PPME1: variants seen among roughly 807,000 people sequenced by gnomAD.
The protein encoded by PPME1 is protein phosphatase methylesterase 1, also known as testicular secretory protein Li 39.
Under a neutral mutation model 56.9 loss-of-function variants are expected in PPME1, and 17 were observed. The ratio of observed to expected loss-of-function variants is 0.30; its 90% CI spans 0.20 to 0.45. PPME1 has a LOEUF of 0.45. PPME1 is among the 20% of genes least tolerant of loss of function. PPME1 has a pLI of 1.00. For missense variants in PPME1, 357 were observed against 483.2 expected (o/e 0.74, Z 2.45); for synonymous variants, 122 against 156.2 (o/e 0.78, Z 1.63).
chr11:74,235,743 C>A, intron 7 of PPME1, 158 bp from the exon 8 acceptor site: 1 of 1,152,714 alleles, frequency 8.7e-7, no homozygotes, highest in Non-Finnish European at 1.2e-6. Flanking sequence ...AACCATGTAG[C>A]CAGGTGAGTA....
Position 74,218,469 on chromosome 11 carries a change from C to T in PPME1, c.289-3843C>T, listed in dbSNP as rs2135643610. Among the ~76,000 whole-genome samples the T allele has an allele frequency of 2.0e-5, 3 of 152,198 alleles. No individual in the cohort carries two copies. In the Middle Eastern group the frequency reaches 0.01, roughly 518 times the overall value. On this transcript the variant is annotated intron_variant, in intron 3 of 13. Coordinates refer to ENST00000328257, the MANE Select transcript of PPME1 (RefSeq NM_016147.3). Reference sequence around the variant, plus strand: ...GCTATCCTGATAGAAAAGAACAAAACTGGAGGAATAACATTACCTGACTTC... The same window carrying T: ...GCTATCCTGATAGAAAAGAACAAAATTGGAGGAATAACATTACCTGACTTC...
intron 1 of PPME1, among the ~76,000 whole-genome samples, chr11:74,202,286 C>A (rs1858190819): frequency 6.6e-6 from 1 of 152,104 alleles, no homozygotes; most frequent in African/African-American, 2.4e-5. Context: ...TAACACAGAC[C>A]ACTTAAATAT....
intron 1 of PPME1, among the ~76,000 whole-genome samples, chr11:74,187,499 A>G (rs1030304465): frequency 1.3e-5 from 2 of 152,150 alleles, no homozygotes; most frequent in African/African-American, 4.8e-5. Flanking sequence ...TATCAGTGGT[A>G]TTGTAAATAG....
At chr11:74,202,890 A>G (rs991879454) in intron 1 of PPME1, among the ~76,000 whole-genome samples, 1 of 152,178 alleles carries the variant, frequency 6.6e-6, no homozygotes, top group African/African-American at 2.4e-5. Flanking sequence ...GAAAACATAC[A>G]TAAACACTTA....
rs554147380 is a variant in PPME1, at chr11:74,235,633, T to TA, written c.645-267dup. On this transcript the variant is annotated intron_variant, in intron 7 of 13. Transcript: ENST00000328257. ...ATGTGTCTTTTTCTCCCTACCGAAT[T>TA]ATGTGCTTTTTGAATACAGGCCTGG... 1,884 of 400,270 alleles carry TA rather than the reference T, an allele frequency of 4.7e-3. 29 individuals are homozygous for TA. The highest frequency in any genetic ancestry group is 0.028 in the Middle Eastern group (37 of 1,326). The allele number at this position is 400,270 out of a possible 1,614,324, so 24.8% of individuals were successfully genotyped here.
intron 1 of PPME1, among the ~76,000 whole-genome samples, chr11:74,182,994 CAAAAAA>C (rs34350281): frequency 7.7e-6 from 1 of 129,548 alleles, no homozygotes; most frequent in Non-Finnish European, 1.6e-5. Flanking sequence ...TTGTCTCTAC[CAAAAAA>C]AAAAAAAAAA....
At position 74,200,211 on chromosome 11, in the gene PPME1, A is replaced by C. The variant is rs79782562; in HGVS notation, c.102-3517A>C. Among the ~76,000 whole-genome samples the C allele has an allele frequency of 9.0e-4, 137 of 152,374 alleles. 2 individuals are homozygous for C. In the East Asian group the frequency reaches 0.022, roughly 24 times the overall value. Reference sequence around the variant, plus strand: ...GAAACTAAAGCTATTTTTTAAAATCAATCTAAACTATATCCCTAAAATTCA... The same window carrying C: ...GAAACTAAAGCTATTTTTTAAAATCCATCTAAACTATATCCCTAAAATTCA... On this transcript the variant is annotated intron_variant, in intron 1 of 13. Coordinates refer to ENST00000328257, the MANE Select transcript of PPME1 (RefSeq NM_016147.3).
chr11:74,181,966 C>T (rs1357934597), intron 1 of PPME1, among the ~76,000 whole-genome samples: 1 of 152,242 alleles, frequency 6.6e-6, no homozygotes, highest in Non-Finnish European at 1.5e-5. Flanking sequence ...ATTAGTCTCT[C>T]TTCTCCCCCT....
At chr11:74,241,891 C>T (rs1193355655) in intron 9 of PPME1, among the ~76,000 whole-genome samples, 1 of 152,082 alleles carries the variant, frequency 6.6e-6, no homozygotes, top group Non-Finnish European at 1.5e-5. Flanking sequence ...GATACAGATC[C>T]CTAATTTGCA....
intron 5 of PPME1, 28 bp downstream of exon 5, chr11:74,225,284 T>C: frequency 6.9e-7 from 1 of 1,454,702 alleles, no homozygotes; most frequent in Non-Finnish European, 9.4e-7. Context: ...TCTTATACAT[T>C]GCCTGTCTCC....
intron 5 of PPME1, among the ~76,000 whole-genome samples, chr11:74,226,562 G>T (rs977876737): frequency 3.3e-5 from 5 of 152,126 alleles, no homozygotes; most frequent in African/African-American, 1.2e-4. Context: ...CCTATAGGAA[G>T]ATTTGTGAAT....
intron 3 of PPME1, among the ~76,000 whole-genome samples, chr11:74,214,718 G>A (rs1858581096): frequency 6.6e-6 from 1 of 150,918 alleles, no homozygotes; most frequent in African/African-American, 2.4e-5. Context: ...TGCTAAAATA[G>A]TATATCCAGT....
In PPME1 at chr11:74,230,133, C is replaced by G; in HGVS notation, c.399-112C>G. 1 of 1,214,180 alleles carries G rather than the reference C, an allele frequency of 8.2e-7. No individual in the cohort carries two copies. The highest frequency in any genetic ancestry group is 2.4e-4 in the Middle Eastern group (1 of 4,226). The allele number at this position is 1,214,180 out of a possible 1,614,324, so 75.2% of individuals were successfully genotyped here. ...TATGTTTGTAAGATGGCCCAATAGA[C>G]TTTTACAGTTTCCCAGCACTGTTAC... On this transcript the variant is annotated intron_variant, in intron 5 of 13. Coordinates refer to ENST00000328257, the MANE Select transcript of PPME1 (RefSeq NM_016147.3). The surrounding 1 kb of genome is among the most constrained non-coding windows in gnomAD (Gnocchi z 4.9).
chr11:74,211,334 T>C (rs1466623292), intron 3 of PPME1, among the ~76,000 whole-genome samples: 3 of 151,904 alleles, frequency 2.0e-5, no homozygotes, highest in Non-Finnish European at 2.9e-5. Context: ...ACCAAGATAA[T>C]TTTGAAAAAG....
At chr11:74,251,480 C>G in intron 12 of PPME1, 168 bp from the exon 13 acceptor site, 1 of 1,438,382 alleles carries the variant, frequency 7.0e-7, no homozygotes, top group Non-Finnish European at 9.1e-7. Context: ...GGGGAGGAGT[C>G]TTCTAGCTCT....
Position 74,253,563 on chromosome 11 carries a change from A to G in PPME1, c.*53A>G. On this transcript the variant is annotated 3_prime_UTR_variant, in exon 14 of 14. Transcript: ENST00000328257. ...TCGAGCTCTGTTGTAAATACGTCGC[A>G]CCAGAGGCCACTGTGATGCCACTGT... The G allele has an allele frequency of 6.5e-7, 1 of 1,550,140 alleles. No homozygotes were observed. Among genetic ancestry groups the G allele is most frequent in the Non-Finnish European group, 8.9e-7 (1 of 1,122,026 alleles).
In PPME1 at chr11:74,239,324, G is replaced by A. The variant is rs1859286198; in HGVS notation, c.834+68G>A. The A allele has an allele frequency of 1.1e-5, 17 of 1,561,638 alleles. No individual in the cohort carries two copies. The South Asian group carries it at 1.7e-4, about 16-fold the overall frequency. ...GGTTCAAACTGTGTGTGGGTGGGAA[G>A]GGGTGATAACATTGTTCTTTTTGTT... On this transcript the variant is annotated intron_variant, in intron 9 of 13. Transcript: ENST00000328257.
chr11:74,177,727 G>A (rs999450461), intron 1 of PPME1, among the ~76,000 whole-genome samples: 1 of 152,014 alleles, frequency 6.6e-6, no homozygotes, highest in Non-Finnish European at 1.5e-5. Flanking sequence ...TTTTTATTGG[G>A]ATTACATTAA....
Position 74,230,927 on chromosome 11 carries a change from C to G in PPME1, c.569C>G (p.Ala190Gly). ...TAACATCCAGGTACAGCTATGGATG[C>G]ACTTAATAGCATGCAGAATTTCTTA... ...IDVVEGTAMD[A>G]LNSMQNFLRG... Residue 190 changes from alanine (A) to glycine (G), a missense_variant, in exon 7 of 14, where the codon GCA (alanine) becomes GGA (glycine). This residue lies in a region of PPME1 where 182 missense variants were observed against 293.8 expected (regional missense o/e 0.62). Transcript: ENST00000328257. The surrounding 1 kb of genome is among the most constrained non-coding windows in gnomAD (Gnocchi z 4.9). 1.9e-6 allele frequency: 3 copies of G among 1,601,644 alleles called. No homozygotes were observed. The highest frequency in any genetic ancestry group is 2.6e-6 in the Non-Finnish European group (3 of 1,173,650).
Sources: gnomAD v4.1 joint callset for allele counts (sites outside exome capture counted in the v4.1 genomes callset) on GRCh38, gnomAD v4.1.1 for gene constraint, gnomAD v4.1.1 regional missense constraint, Gnocchi (gnomAD v3.1) non-coding constraint, MANE v1.5 for transcripts, NCBI Gene and HGNC (gene_info 2026-07-23, HGNC 2026-07-21) for gene names.